The following ENTHD1 variants were observed in gnomAD, a reference collection of about 807,000 sequenced individuals.
ENTHD1 encodes ENTH domain-containing protein 1.
ENTHD1 carries 23 observed loss-of-function variants against 39.1 expected under a neutral mutation model. The observed-to-expected ratio is 0.59, with a 90% CI of 0.42 to 0.83. The LOEUF is 0.83. Ranked by LOEUF, ENTHD1 falls within the 40% of genes least tolerant of loss-of-function variation. ENTHD1 has a pLI of 0.00. For missense variants in ENTHD1, 624 were observed against 705.4 expected, an observed-to-expected ratio of 0.88 and a Z score of 1.31; for synonymous variants, 230 against 258.2, an observed-to-expected ratio of 0.89 and a Z score of 1.05.
intron 4 of ENTHD1, among the ~76,000 whole-genome samples, chr22:39,834,147 G>T (rs1451513501): frequency 1.3e-5 from 2 of 151,944 alleles, no homozygotes; most frequent in African/African-American, 4.8e-5. Flanking sequence ...TGACTTCATT[G>T]AAATCTTAAA....
At chr22:39,876,075 C>A in intron 2 of ENTHD1, 3 of 1,613,418 alleles carry the variant, frequency 1.9e-6, no homozygotes, top group East Asian at 2.2e-5. Context: ...GAAGTCCCCA[C>A]GTATGAGTTC....
chr22:39,862,038 G>T (rs2066146071), intron 2 of ENTHD1, 31 bp from the exon 3 acceptor site: 4 of 1,402,496 alleles, frequency 2.9e-6, no homozygotes, highest in East Asian at 2.5e-5. Flanking sequence ...GCTTAGAAAA[G>T]GAAATACTAG....
chr22:39,753,832 CT>C (rs1291380379), intron 6 of ENTHD1, among the ~76,000 whole-genome samples: 1 of 152,184 alleles, frequency 6.6e-6, no homozygotes, highest in Non-Finnish European at 1.5e-5. Flanking sequence ...TCCAAAATTA[CT>C]TTTCTTCTCG....
intron 5 of ENTHD1, among the ~76,000 whole-genome samples, chr22:39,778,444 C>T (rs2055970869): frequency 6.6e-6 from 1 of 152,166 alleles, no homozygotes; most frequent in Non-Finnish European, 1.5e-5. Context: ...ACCACTAATA[C>T]ACTTTTAAAC....
chr22:39,743,991 A>G lies in ENTHD1; in HGVS notation c.1512T>C (p.Asn504=), dbSNP rs1234024399. ...AGTGACTACTAGAAATGTGACTTAT[A>G]TTCTTTTTAGCAGAATCAGAGTTAT... ...LPNNSDSAKK[N]ISHISSSHWG... The change falls in exon 7 of 7, where the codon AAT becomes AAC. Residue 504 remains asparagine, a synonymous_variant. Coordinates refer to ENST00000325157, the MANE Select transcript of ENTHD1 (RefSeq NM_152512.4). 1 of 1,614,038 alleles carries G rather than the reference A, an allele frequency of 6.2e-7. No homozygotes were observed. Among genetic ancestry groups the G allele is most frequent in the African/African-American group, 1.3e-5 (1 of 74,932 alleles).
chr22:39,744,792 T>G (rs1014272599), intron 6 of ENTHD1, among the ~76,000 whole-genome samples: 1 of 152,192 alleles, frequency 6.6e-6, no homozygotes, highest in Admixed American at 6.5e-5. Flanking sequence ...TAGTGAAATA[T>G]AATCAAGACT....
intron 5 of ENTHD1, among the ~76,000 whole-genome samples, chr22:39,774,397 T>C (rs982340794): frequency 3.3e-5 from 5 of 152,170 alleles, no homozygotes; most frequent in Non-Finnish European, 7.3e-5. Context: ...CCTCTGCTGA[T>C]TTTTAGCCCT....
chr22:39,887,587 C>T lies in ENTHD1; in HGVS notation c.162G>A (p.Met54Ile), dbSNP rs1300794317. 6.2e-7 allele frequency: 1 copy of T among 1,614,154 alleles called. No homozygotes were observed. The highest frequency in any genetic ancestry group is 8.5e-7 in the Non-Finnish European group (1 of 1,180,040). Residue 54 changes from methionine (M) to isoleucine (I), a missense_variant, in exon 2 of 7, where the codon ATG (methionine) becomes ATA (isoleucine). Transcript: ENST00000325157. The stretch of plus-strand genomic sequence containing the variant: ...CATTGAGTCTGTGCCACAGCATATT[C>T]ATAATCTCTGAGAGAGAAATTGTGT... ...TFNTISLSEI[M>I]NMLWHRLNDH...
chr22:39,804,898 G>T (rs2065628532), intron 5 of ENTHD1, among the ~76,000 whole-genome samples: 1 of 151,032 alleles, frequency 6.6e-6, no homozygotes, highest in East Asian at 2.0e-4. Flanking sequence ...CTCCCCTCAT[G>T]CCCACCCCTC....
intron 5 of ENTHD1, among the ~76,000 whole-genome samples, chr22:39,817,660 A>T (rs1260487263): frequency 2.0e-5 from 3 of 152,186 alleles, no homozygotes; most frequent in East Asian, 1.9e-4. Context: ...GAATTTTTTT[A>T]AATTAAGAGT....
intron 5 of ENTHD1, among the ~76,000 whole-genome samples, chr22:39,815,855 C>G (rs1038011952): frequency 2.0e-5 from 3 of 152,004 alleles, no homozygotes; most frequent in Non-Finnish European, 4.4e-5. Context: ...ATAAAAGTCA[C>G]AGAAAAATAA....
chr22:39,861,761 G>T lies in ENTHD1; in HGVS notation c.592+4C>A. On this transcript the variant is annotated splice_donor_region_variant and intron_variant, in intron 3 of 6. Coordinates refer to ENST00000325157, the MANE Select transcript of ENTHD1 (RefSeq NM_152512.4). ...CATTTTAGGCCAATGTTCATTATAC[G>T]TACTTTTATTATGTAACCTTCCAAA... is the stretch of plus-strand genomic sequence containing the variant. 5 of 1,503,372 alleles carry T rather than the reference G, an allele frequency of 3.3e-6. No individual in the cohort carries two copies. Among genetic ancestry groups the T allele is most frequent in the South Asian group, 2.9e-5 (2 of 68,876 alleles). The allele number at this position is 1,503,372 out of a possible 1,614,324, so 93.1% of individuals were successfully genotyped here. A position where few individuals can be genotyped will look rare whatever the true frequency, so the allele number is the denominator to read the frequency against.
chr22:39,797,324 A>G (rs915262580), intron 5 of ENTHD1, among the ~76,000 whole-genome samples: 2 of 152,182 alleles, frequency 1.3e-5, no homozygotes, highest in South Asian at 4.1e-4. Context: ...CAGTCAGTCT[A>G]TATCATTTAA....
intron 3 of ENTHD1, among the ~76,000 whole-genome samples, chr22:39,841,998 C>A (rs958722855): frequency 3.3e-5 from 5 of 151,378 alleles, no homozygotes; most frequent in Non-Finnish European, 5.9e-5. Flanking sequence ...ACTTATGAAG[C>A]TTAGTTTGGC....
At chr22:39,862,598 A>C (rs1319133804) in intron 2 of ENTHD1, among the ~76,000 whole-genome samples, 1 of 152,110 alleles carries the variant, frequency 6.6e-6, no homozygotes, top group East Asian at 1.9e-4. Context: ...CAATAATCAA[A>C]CAATATAGGC....
At chr22:39,847,806 G>A (rs1463138329) in intron 3 of ENTHD1, among the ~76,000 whole-genome samples, 5 of 152,208 alleles carry the variant, frequency 3.3e-5, no homozygotes, top group Non-Finnish European at 7.3e-5. Context: ...TTTTCTAATG[G>A]TGCTATAAGA....
intron 6 of ENTHD1, chr22:39,751,281 C>T (rs2065145622): frequency 6.5e-6 from 1 of 154,274 alleles, no homozygotes; most frequent in African/African-American, 2.4e-5. Context: ...ACCAAGGTAT[C>T]AGCAACAAAA....
At chr22:39,864,474 C>T (rs2066168570) in intron 2 of ENTHD1, among the ~76,000 whole-genome samples, 1 of 152,162 alleles carries the variant, frequency 6.6e-6, no homozygotes, top group African/African-American at 2.4e-5. Flanking sequence ...TTATTTTTCA[C>T]ATTCGCATTT....
chr22:39,870,809 T>A (rs1313481402), intron 2 of ENTHD1, among the ~76,000 whole-genome samples: 1 of 152,160 alleles, frequency 6.6e-6, no homozygotes, highest in Non-Finnish European at 1.5e-5. Flanking sequence ...ATTATGGCAG[T>A]GTGACAGGGC....
Sources: gnomAD v4.1 joint callset for allele counts (sites outside exome capture counted in the v4.1 genomes callset) on GRCh38, gnomAD v4.1.1 for gene constraint, MANE v1.5 for transcripts, NCBI Gene and HGNC (gene_info 2026-07-23, HGNC 2026-07-21) for gene names.